Variants in PDE4D observed in about 807,000 individuals in gnomAD.
PDE4D encodes the protein 3',5'-cyclic-AMP phosphodiesterase 4D.
PDE4D carries 24 observed loss-of-function variants against 87.4 expected under a neutral mutation model. That is an observed-to-expected ratio of 0.27 (90% CI 0.20 to 0.39). The LOEUF is 0.39. PDE4D is among the 10% of genes least tolerant of loss of function. PDE4D has a pLI of 1.00. For synonymous variants in PDE4D, 384 were observed against 383.2 expected (o/e 1.00, Z -0.02); for missense variants, 714 against 1,041.0 (o/e 0.69, Z 4.32).
intron 1 of PDE4D, among the ~76,000 whole-genome samples, chr5:59,890,878 T>C (rs1318939274): frequency 2.0e-5 from 3 of 152,248 alleles, no homozygotes; most frequent in Non-Finnish European, 2.9e-5. Flanking sequence ...AAAAGCATTG[T>C]TGCTGTTCTC....
chr5:60,161,097 A>C (rs551868018), intron 2 of PDE4D, among the ~76,000 whole-genome samples: 24 of 152,308 alleles, frequency 1.6e-4, no homozygotes, highest in African/African-American at 5.8e-4. Flanking sequence ...GAAATAGTTA[A>C]GTACCCCAGA....
At chr5:59,311,287 G>A (rs1039248435) in intron 1 of PDE4D, among the ~76,000 whole-genome samples, 1 of 151,896 alleles carries the variant, frequency 6.6e-6, no homozygotes, top group African/African-American at 2.4e-5. Context: ...AGCACTTTAT[G>A]AGGCCAAGGC....
rs11354626 is a variant in PDE4D, at chr5:59,806,345, GT to G, written c.455+86822del. On this transcript the variant is annotated intron_variant, in intron 1 of 14. Transcript: ENST00000340635. ...GCTCTACCTCACTGTTGTCACTGATGTCCCTAGACATACCCTGAGCCTTTTT... is the reference window on the plus strand; with the variant it reads ...GCTCTACCTCACTGTTGTCACTGATGCCCTAGACATACCCTGAGCCTTTTT... 1.9e-3 allele frequency among the ~76,000 whole-genome samples: 288 copies of G among 152,294 alleles called. 2 individuals are homozygous for G. The highest frequency in any genetic ancestry group is 6.3e-3 in the African/African-American group (263 of 41,570).
intron 1 of PDE4D, among the ~76,000 whole-genome samples, chr5:60,399,903 C>T (rs1740892748): frequency 6.6e-6 from 1 of 152,240 alleles, no homozygotes; most frequent in Non-Finnish European, 1.5e-5. Flanking sequence ...CAAGAAGTTA[C>T]TTTTATGCCT....
intron 1 of PDE4D, chr5:59,529,373 G>A: frequency 3.7e-6 from 1 of 266,850 alleles, no homozygotes. Flanking sequence ...AGATTCACAG[G>A]TAGGAGCAAT....
At chr5:59,579,415 T>G (rs1823701311) in intron 1 of PDE4D, among the ~76,000 whole-genome samples, 1 of 152,210 alleles carries the variant, frequency 6.6e-6, no homozygotes, top group Admixed American at 6.5e-5. Context: ...ATTAAAATGC[T>G]TCTTTGGCAA....
intron 1 of PDE4D, among the ~76,000 whole-genome samples, chr5:59,656,679 T>G (rs1744414072): frequency 1.3e-5 from 2 of 152,166 alleles, no homozygotes; most frequent in Non-Finnish European, 2.9e-5. Context: ...TTCTTAAACT[T>G]TGAAACGTCA....
At chr5:59,913,914 T>C (rs1157792551) in intron 3 of PDE4D, among the ~76,000 whole-genome samples, 4 of 152,148 alleles carry the variant, frequency 2.6e-5, no homozygotes, top group Non-Finnish European at 5.9e-5. Context: ...ATATAATTTG[T>C]GCACTGCTGT....
chr5:59,760,539 T>C (rs1761841900), intron 1 of PDE4D, among the ~76,000 whole-genome samples: 1 of 152,198 alleles, frequency 6.6e-6, no homozygotes, highest in African/African-American at 2.4e-5. Context: ...TTTTCCTCCA[T>C]TCAGTGCATC....
intron 1 of PDE4D, among the ~76,000 whole-genome samples, chr5:59,811,102 A>C (rs1242242324): frequency 6.6e-6 from 1 of 152,208 alleles, no homozygotes; most frequent in Non-Finnish European, 1.5e-5. Context: ...AGAGAGAAGG[A>C]AAGTGATAGC....
chr5:59,153,756 T>TC (rs1444712556), intron 5 of PDE4D, among the ~76,000 whole-genome samples: 1 of 150,408 alleles, frequency 6.6e-6, no homozygotes, highest in African/African-American at 2.5e-5. Context: ...GGCAGGGTTT[T>TC]TTTTTTTGTT....
At chr5:59,345,726 T>C (rs1217797904) in intron 1 of PDE4D, among the ~76,000 whole-genome samples, 2 of 152,194 alleles carry the variant, frequency 1.3e-5, no homozygotes, top group Non-Finnish European at 2.9e-5. Flanking sequence ...TTGGTAAGAA[T>C]GCAGAGAACT....
chr5:59,294,312 G>A (rs1768625550), intron 1 of PDE4D, among the ~76,000 whole-genome samples: 1 of 152,098 alleles, frequency 6.6e-6, no homozygotes, highest in Non-Finnish European at 1.5e-5. Context: ...CAACTCTAGG[G>A]AGTACCATTT....
At chr5:59,171,152 G>A (rs896451877) in intron 5 of PDE4D, among the ~76,000 whole-genome samples, 13 of 152,140 alleles carry the variant, frequency 8.5e-5, no homozygotes, top group Non-Finnish European at 1.3e-4. Flanking sequence ...AAACTGCTGG[G>A]ATTACAGGCG....
At chr5:59,541,032 T>G (rs1233661239) in intron 1 of PDE4D, among the ~76,000 whole-genome samples, 1 of 152,128 alleles carries the variant, frequency 6.6e-6, no homozygotes, top group Non-Finnish European at 1.5e-5. Flanking sequence ...GTTAGGGATC[T>G]CAGAATTTAA....
At chr5:59,625,694 CA>C (rs1169903433) in intron 1 of PDE4D, among the ~76,000 whole-genome samples, 1 of 152,102 alleles carries the variant, frequency 6.6e-6, no homozygotes, top group Non-Finnish European at 1.5e-5. Context: ...AAGGTTTGCT[CA>C]AGTGTAAATT....
chr5:59,695,742 C>T (rs1425973125), intron 1 of PDE4D, among the ~76,000 whole-genome samples: 5 of 152,142 alleles, frequency 3.3e-5, no homozygotes, highest in Non-Finnish European at 7.4e-5. Flanking sequence ...GCTGGGACTA[C>T]AGACATGAGC....
intron 2 of PDE4D, among the ~76,000 whole-genome samples, chr5:60,089,760 GA>G (rs1224817629): frequency 3.5e-5 from 5 of 143,212 alleles, no homozygotes; most frequent in African/African-American, 7.7e-5. Context: ...TTGGTTTTTT[GA>G]AAAAAAAATC....
intron 1 of PDE4D, among the ~76,000 whole-genome samples, chr5:60,259,765 A>C (rs111833796): frequency 0.014 from 2,130 of 152,146 alleles, 25 homozygotes; most frequent in Middle Eastern, 0.034. Flanking sequence ...CAAATAAGGA[A>C]AGGCTCCTGC....
Sources: allele counts gnomAD v4.1 joint callset (sites outside exome capture counted in the v4.1 genomes callset), GRCh38; gene constraint gnomAD v4.1.1; transcripts MANE v1.5; gene names NCBI Gene and HGNC (gene_info 2026-07-23, HGNC 2026-07-21).